TENM3: variants seen among roughly 807,000 people sequenced by gnomAD.
TENM3 encodes teneurin transmembrane protein 3.
TENM3 carries 63 observed loss-of-function variants against 255.1 expected under a neutral mutation model. The ratio of observed to expected loss-of-function variants is 0.25; its 90% CI spans 0.20 to 0.30. TENM3 has a LOEUF of 0.30. Among genes scored for constraint, TENM3 ranks in the 10% least tolerant of loss-of-function variants. The pLI is 1.00. For synonymous variants in TENM3, 1,306 were observed against 1,322.3 expected (o/e 0.99, Z 0.27); for missense variants, 2,929 against 3,461.1 (o/e 0.85, Z 3.86).
the TENM3 span, among the ~76,000 whole-genome samples, chr4:181,807,439 C>T: frequency 9.9e-5 from 15 of 152,200 alleles, no homozygotes; most frequent in African/African-American, 3.4e-4. Flanking sequence ...CCGCAACCTC[C>T]GCCTCCCGGG....
At chr4:181,560,896 A>G in the TENM3 span, among the ~76,000 whole-genome samples, 22 of 152,126 alleles carry the variant, frequency 1.4e-4, no homozygotes, top group African/African-American at 5.3e-4. Flanking sequence ...TTTGTGGACA[A>G]CAACAAGGGA....
chr4:182,357,639 T>G (rs1765651631), intron 3 of TENM3, among the ~76,000 whole-genome samples: 1 of 150,196 alleles, frequency 6.7e-6, no homozygotes, highest in Non-Finnish European at 1.5e-5. Context: ...ATGAGTAGGT[T>G]GCGAAACTTT....
intron 3 of TENM3, among the ~76,000 whole-genome samples, chr4:182,505,783 A>G (rs1475034180): frequency 2.0e-5 from 3 of 152,156 alleles, no homozygotes; most frequent in Non-Finnish European, 4.4e-5. Flanking sequence ...CCCAAATCTT[A>G]GATTCAGTTT....
the TENM3 span, among the ~76,000 whole-genome samples, chr4:181,525,226 C>A: frequency 1.5e-3 from 222 of 152,030 alleles, 1 homozygote; most frequent in African/African-American, 4.9e-3. Flanking sequence ...GCTCAGCCAA[C>A]ATGGTGAAAC....
chr4:181,566,581 A>C, the TENM3 span, among the ~76,000 whole-genome samples: 1 of 151,932 alleles, frequency 6.6e-6, no homozygotes, highest in Non-Finnish European at 1.5e-5. Context: ...CTTCTGCAGG[A>C]TCTCGTAGCA....
chr4:181,910,141 CA>C, the TENM3 span, among the ~76,000 whole-genome samples: 1 of 152,158 alleles, frequency 6.6e-6, no homozygotes, highest in Admixed American at 6.5e-5. Context: ...GTCATTTTAT[CA>C]GTTTTATGTT....
In TENM3 at chr4:182,681,918, A is replaced by G. The variant is rs1012447290; in HGVS notation, c.1939A>G (p.Met647Val). The change falls in exon 11 of 28, where the codon ATG (methionine) becomes GTG (valine). Residue 647 changes from methionine (M) to valine (V), a missense_variant. Physicochemically the swap from Met to Val is conservative, Grantham distance 21. Transcript: ENST00000511685. The part of the protein sequence containing the change: ...GGSNCEILKT[M>V]CPDQCSGHGT... ...TAGCAATTGTGAAATACTGAAGACC[A>G]TGTGTCCAGACCAGTGCTCCGGCCA... 2 of 1,613,884 alleles carry G rather than the reference A, an allele frequency of 1.2e-6. No individual in the cohort carries two copies. Among genetic ancestry groups the G allele is most frequent in the African/African-American group, 1.3e-5 (1 of 74,934 alleles).
intron 1 of TENM3, among the ~76,000 whole-genome samples, chr4:182,315,960 T>C (rs1421762452): frequency 6.6e-6 from 1 of 152,198 alleles, no homozygotes; most frequent in African/African-American, 2.4e-5. Context: ...ATATATGCCA[T>C]GTCTCTAATT....
the TENM3 span, among the ~76,000 whole-genome samples, chr4:181,633,783 G>A: frequency 5.9e-4 from 90 of 152,182 alleles, no homozygotes; most frequent in African/African-American, 2.1e-3. Context: ...GAGTGCTTTA[G>A]CACACGGGAC....
the TENM3 span, among the ~76,000 whole-genome samples, chr4:181,758,941 A>G: frequency 6.6e-6 from 1 of 152,214 alleles, no homozygotes; most frequent in Non-Finnish European, 1.5e-5. Flanking sequence ...AAAAATCAAT[A>G]CCAACTCTTT....
intron 3 of TENM3, among the ~76,000 whole-genome samples, chr4:182,399,740 T>C (rs1340917816): frequency 6.6e-6 from 1 of 152,220 alleles, no homozygotes; most frequent in African/African-American, 2.4e-5. Flanking sequence ...TGCAATAAGA[T>C]CATTGCTCGC....
chr4:182,008,639 G>T, the TENM3 span, among the ~76,000 whole-genome samples: 1 of 151,836 alleles, frequency 6.6e-6, no homozygotes, highest in African/African-American at 2.4e-5. Flanking sequence ...CTTTTATCAA[G>T]GTTCTTAGCT....
At chr4:182,202,462 C>A in intron 1 of TENM3, among the ~76,000 whole-genome samples, 1 of 152,090 alleles carries the variant, frequency 6.6e-6, no homozygotes, top group Non-Finnish European at 1.5e-5. Flanking sequence ...TGCACCACCA[C>A]ACCCAGCTAC....
chr4:182,446,184 C>T (rs1338999472), intron 3 of TENM3, among the ~76,000 whole-genome samples: 1 of 152,218 alleles, frequency 6.6e-6, no homozygotes, highest in Non-Finnish European at 1.5e-5. Context: ...CAGCTTCGTT[C>T]AGTGTAAATC....
chr4:182,034,442 A>T, the TENM3 span, among the ~76,000 whole-genome samples: 1 of 152,046 alleles, frequency 6.6e-6, no homozygotes, highest in Non-Finnish European at 1.5e-5. Context: ...CTAGCTGGTT[A>T]TTTTGCAGAT....
the TENM3 span, among the ~76,000 whole-genome samples, chr4:181,674,142 C>T: frequency 6.6e-6 from 1 of 152,022 alleles, no homozygotes; most frequent in Admixed American, 6.6e-5. Context: ...ACTACAGGCA[C>T]ATGGCATCAC....
At chr4:182,502,328 G>A (rs973829449) in intron 3 of TENM3, among the ~76,000 whole-genome samples, 1 of 151,996 alleles carries the variant, frequency 6.6e-6, no homozygotes, top group Non-Finnish European at 1.5e-5. Context: ...GTACTCTGTG[G>A]GTGTTTTAAA....
the TENM3 span, among the ~76,000 whole-genome samples, chr4:181,786,704 T>C: frequency 6.6e-6 from 1 of 151,978 alleles, no homozygotes; most frequent in African/African-American, 2.4e-5. Context: ...TCACTTTTTT[T>C]TTTTTTTTCC....
chr4:182,048,892 T>G, the TENM3 span, among the ~76,000 whole-genome samples: 1 of 152,320 alleles, frequency 6.6e-6, no homozygotes, highest in Non-Finnish European at 1.5e-5. Flanking sequence ...AATGGTGTTA[T>G]CACCAGGAAT....
Sources: gnomAD v4.1 joint callset for allele counts (sites outside exome capture counted in the v4.1 genomes callset) on GRCh38, gnomAD v4.1.1 for gene constraint, MANE v1.5 for transcripts, NCBI Gene and HGNC (gene_info 2026-07-23, HGNC 2026-07-21) for gene names.